CNTNAP2: variants seen among roughly 807,000 people sequenced by gnomAD.
CNTNAP2 encodes contactin-associated protein-like 2.
In CNTNAP2, 98 loss-of-function variants were observed where a neutral mutation model predicts 155.2. The ratio of observed to expected loss-of-function variants is 0.63; its 90% confidence interval spans 0.54 to 0.75. The LOEUF (loss-of-function observed/expected upper bound fraction) is 0.75. Among genes scored for constraint, CNTNAP2 ranks in the 30% least tolerant of loss-of-function variants. The probability of loss-of-function intolerance (pLI) is 0.00; values close to 1 mark genes in which losing one functional copy is unlikely to be tolerated. For missense variants in CNTNAP2, 1,727 were observed against 1,688.1 expected (o/e 1.02, Z -0.40); for synonymous variants, 651 against 631.2 (o/e 1.03, Z -0.47).
At chr7:148,155,360 G>A (rs1324598385) in intron 17 of CNTNAP2, among the ~76,000 whole-genome samples, 1 of 152,238 alleles carries the variant, frequency 6.6e-6, no homozygotes, top group Non-Finnish European at 1.5e-5. Context: ...GAATGCAGTC[G>A]AGCTCGCCTC....
intron 21 of CNTNAP2, among the ~76,000 whole-genome samples, chr7:148,297,129 C>G (rs1313181019): frequency 7.4e-6 from 1 of 135,068 alleles, no homozygotes; most frequent in Non-Finnish European, 1.6e-5. Flanking sequence ...TAACCTTATT[C>G]CTAGGGGAAG....
At chr7:146,952,857 G>A (rs1260248387) in intron 3 of CNTNAP2, among the ~76,000 whole-genome samples, 2 of 151,906 alleles carry the variant, frequency 1.3e-5, no homozygotes, top group African/African-American at 2.4e-5. Flanking sequence ...CATTCCTCTA[G>A]TACAAATTTT....
chr7:146,990,835 T>A (rs73463289), intron 3 of CNTNAP2, among the ~76,000 whole-genome samples: 1 of 152,116 alleles, frequency 6.6e-6, no homozygotes, highest in Non-Finnish European at 1.5e-5. Flanking sequence ...AATGACTTTT[T>A]GAAGTCACCA....
intron 1 of CNTNAP2, among the ~76,000 whole-genome samples, chr7:146,721,042 CTA>C (rs1333702746): frequency 1.7e-5 from 2 of 115,792 alleles, no homozygotes; most frequent in South Asian, 2.5e-4. Flanking sequence ...TCTATATATT[CTA>C]TATATATACT....
intron 1 of CNTNAP2, among the ~76,000 whole-genome samples, chr7:146,624,641 T>C (rs1303764342): frequency 6.6e-6 from 1 of 152,026 alleles, no homozygotes; most frequent in Non-Finnish European, 1.5e-5. Context: ...GTAGCTTTAT[T>C]TGTCTTGGAA....
In CNTNAP2 at chr7:147,591,051, C is replaced by A. The variant is rs146206642; in HGVS notation, c.1897+28794C>A. 1.8e-3 allele frequency among the ~76,000 whole-genome samples: 275 copies of A among 152,322 alleles called. 1 individual carries two copies. The highest frequency in any genetic ancestry group is 6.3e-3 in the African/African-American group (261 of 41,578). The stretch of plus-strand genomic sequence containing the variant: ...TCTACTACAGCCTTGGATTTCCTAA[C>A]TTGGTGAAGGGCACCTGTGTGAACT... On this transcript the variant is annotated intron_variant, in intron 12 of 23. Transcript: ENST00000361727.
chr7:147,444,996 G>A (rs1797709151), intron 10 of CNTNAP2, among the ~76,000 whole-genome samples: 1 of 152,146 alleles, frequency 6.6e-6, no homozygotes, highest in African/African-American at 2.4e-5. Context: ...GAAGGGGGAT[G>A]TGCTACATGC....
intron 21 of CNTNAP2, among the ~76,000 whole-genome samples, chr7:148,268,140 A>T (rs1585229756): frequency 6.6e-6 from 1 of 152,314 alleles, no homozygotes; most frequent in East Asian, 1.9e-4. Context: ...GAAGTATTTT[A>T]AAATATTTAA....
At chr7:147,294,156 T>C (rs1805371931) in intron 8 of CNTNAP2, among the ~76,000 whole-genome samples, 1 of 152,216 alleles carries the variant, frequency 6.6e-6, no homozygotes, top group Non-Finnish European at 1.5e-5. Context: ...GAATATATTA[T>C]GACCCCAAAT....
intron 1 of CNTNAP2, among the ~76,000 whole-genome samples, chr7:146,638,509 G>T (rs539277729): frequency 2.8e-4 from 24 of 85,154 alleles, no homozygotes; most frequent in African/African-American, 8.7e-4. Context: ...CTTTGAGATG[G>T]AGTCTCACTC....
intron 10 of CNTNAP2, among the ~76,000 whole-genome samples, chr7:147,460,005 T>C (rs1797992096): frequency 6.6e-6 from 1 of 151,956 alleles, no homozygotes; most frequent in African/African-American, 2.4e-5. Context: ...GATGGTGGGC[T>C]AGGGGCGGAA....
At chr7:146,350,532 G>C (rs1473679126) in intron 1 of CNTNAP2, among the ~76,000 whole-genome samples, 2 of 151,786 alleles carry the variant, frequency 1.3e-5, no homozygotes, top group Non-Finnish European at 2.9e-5. Flanking sequence ...GGAAACAACA[G>C]GTGCTGGAGA....
At chr7:146,170,548 A>G (rs1798375190) in intron 1 of CNTNAP2, among the ~76,000 whole-genome samples, 1 of 152,152 alleles carries the variant, frequency 6.6e-6, no homozygotes, top group African/African-American at 2.4e-5. Context: ...GCACCTCACC[A>G]CTAATATTTT....
chr7:147,889,980 A>C (rs905658055), intron 13 of CNTNAP2, among the ~76,000 whole-genome samples: 1 of 152,248 alleles, frequency 6.6e-6, no homozygotes, highest in African/African-American at 2.4e-5. Context: ...TATTGGTATC[A>C]TAAATCCTGT....
chr7:147,468,823 T>TTTC (rs200312150), intron 10 of CNTNAP2, among the ~76,000 whole-genome samples: 8 of 146,822 alleles, frequency 5.4e-5, no homozygotes, highest in African/African-American at 1.0e-4. Context: ...TATTTTCTTT[T>TTTC]TTCTTCTTCT....
chr7:147,532,838 G>A (rs1254255914), intron 11 of CNTNAP2, among the ~76,000 whole-genome samples: 1 of 152,122 alleles, frequency 6.6e-6, no homozygotes, highest in Non-Finnish European at 1.5e-5. Flanking sequence ...AATAGAGTGG[G>A]AAAGACCAGC....
In CNTNAP2 at chr7:148,283,311, G is replaced by GAAA. The variant is rs1563024814; in HGVS notation, c.3475+16185_3475+16186insAAA. Reference sequence around the variant, plus strand: ...AGAAAGAAAGAAAGAAAGAAAGGAAGGAAGGAAGGAAAGAAAGAAAGAATT... The same window carrying GAAA: ...AGAAAGAAAGAAAGAAAGAAAGGAAGAAAGAAGGAAGGAAAGAAAGAAAGAATT... On this transcript the variant is annotated intron_variant, in intron 21 of 23. Transcript: ENST00000361727. 2.6e-4 allele frequency among the ~76,000 whole-genome samples: 15 copies of GAAA among 58,260 alleles called. 1 individual carries two copies. In the East Asian group the frequency reaches 4.1e-3, roughly 16 times the overall value. 38.2% of individuals were successfully genotyped at this position (58,260 alleles called of 152,430 possible).
intron 20 of CNTNAP2, among the ~76,000 whole-genome samples, chr7:148,247,666 T>TA (rs1351175303): frequency 5.4e-5 from 8 of 147,446 alleles, no homozygotes; most frequent in South Asian, 2.2e-4. Flanking sequence ...TTTATTTATT[T>TA]TTTTGGAGAT....
At chr7:147,084,101 T>C (rs1800215112) in intron 4 of CNTNAP2, among the ~76,000 whole-genome samples, 1 of 34,190 alleles carries the variant, frequency 2.9e-5, no homozygotes, top group African/African-American at 1.3e-4. Flanking sequence ...GTATATATAA[T>C]ACATATATGC....
Sources: allele counts gnomAD v4.1 joint callset (sites outside exome capture counted in the v4.1 genomes callset), GRCh38; gene constraint gnomAD v4.1.1; transcripts MANE v1.5; gene names NCBI Gene and HGNC (gene_info 2026-07-23, HGNC 2026-07-21).